The following DPYSL3 variants were observed in gnomAD, a reference collection of about 807,000 sequenced individuals.
DPYSL3 encodes dihydropyrimidinase like 3, also known as dihydropyrimidinase-related protein 3.
DPYSL3 carries 16 observed loss-of-function variants against 66.1 expected under a neutral mutation model. The observed-to-expected ratio is 0.24, with a 90% CI of 0.16 to 0.37. The LOEUF (loss-of-function observed/expected upper bound fraction) is 0.37. Ranked by LOEUF, DPYSL3 falls within the 10% of genes least tolerant of loss-of-function variation. The probability of loss-of-function intolerance (pLI) is 1.00; values close to 1 mark genes in which losing one functional copy is unlikely to be tolerated. For missense variants in DPYSL3, 738 were observed against 916.2 expected (o/e 0.81, Z 2.51); for synonymous variants, 338 against 345.1 (o/e 0.98, Z 0.23).
chr5:147,429,140 T>C (rs1025127896), intron 1 of DPYSL3, among the ~76,000 whole-genome samples: 5 of 152,146 alleles, frequency 3.3e-5, no homozygotes, highest in African/African-American at 1.2e-4. Flanking sequence ...TAAAGAATGA[T>C]GATACCACTA....
At chr5:147,451,806 A>G (rs11950421) in intron 1 of DPYSL3, among the ~76,000 whole-genome samples, 3,768 of 152,234 alleles carry the variant, frequency 0.025, 151 homozygotes, top group African/African-American at 0.081. Flanking sequence ...TTTTGTCCCA[A>G]TCAGCTTTTT....
chr5:147,492,947 C>G (rs1011555642), intron 1 of DPYSL3, among the ~76,000 whole-genome samples: 2 of 152,052 alleles, frequency 1.3e-5, no homozygotes, highest in Non-Finnish European at 1.5e-5. Flanking sequence ...CTACAAAAAA[C>G]CCACTTCAAG....
At chr5:147,496,528 A>G (rs1322058180) in intron 1 of DPYSL3, among the ~76,000 whole-genome samples, 1 of 152,060 alleles carries the variant, frequency 6.6e-6, no homozygotes, top group Non-Finnish European at 1.5e-5. Flanking sequence ...TCCAGAATCT[A>G]CAATGAACTC....
chr5:147,447,150 T>C lies in DPYSL3; in HGVS notation c.382-22187A>G, dbSNP rs187611376. 4.5e-4 allele frequency among the ~76,000 whole-genome samples: 68 copies of C among 152,354 alleles called. No individual in the cohort carries two copies. The Middle Eastern group carries it at 0.01, about 23-fold the overall frequency. On this transcript the variant is annotated intron_variant, in intron 1 of 13. Transcript: ENST00000343218. Reference sequence around the variant, plus strand: ...TAAATGAGATAATCCATGTAGCTTTTACTAAGACAGTTAACAATAATAGCT... The same window carrying C: ...TAAATGAGATAATCCATGTAGCTTTCACTAAGACAGTTAACAATAATAGCT...
In DPYSL3 at chr5:147,408,761, G is replaced by A. The variant is rs765028918; in HGVS notation, c.999C>T (p.Gly333=). 1.2e-6 allele frequency: 2 copies of A among 1,614,138 alleles called. No individual in the cohort carries two copies. The highest frequency in any genetic ancestry group is 1.7e-6 in the Non-Finnish European group (2 of 1,180,016). The change falls in exon 7 of 14, where the codon GGC becomes GGT. Residue 333 remains glycine, a synonymous_variant. Transcript: ENST00000343218. ...GCCTGCTCAGTACATGGCCTTCTGG[G>A]CCAGTTATCCCCATTTCCAACATGC... is the stretch of plus-strand genomic sequence containing the variant. ...QTRMLEMGIT[G]PEGHVLSRPE...
intron 1 of DPYSL3, among the ~76,000 whole-genome samples, chr5:147,436,029 T>C (rs1270155264): frequency 6.6e-6 from 1 of 152,160 alleles, no homozygotes; most frequent in Non-Finnish European, 1.5e-5. Flanking sequence ...TGCCCCACAA[T>C]GACCTAGTGA....
At chr5:147,402,029 T>C (rs1201682375) in intron 8 of DPYSL3, 1 of 234,084 alleles carries the variant, frequency 4.3e-6, no homozygotes, top group Non-Finnish European at 8.2e-6. Flanking sequence ...ACTAAAATGC[T>C]CCAGTTCTTG....
Position 147,412,686 on chromosome 5 carries a change from G to C in DPYSL3, c.885C>G (p.Leu295=), listed in dbSNP as rs1751879540. 1.2e-6 allele frequency: 2 copies of C among 1,610,122 alleles called. No homozygotes were observed. Among genetic ancestry groups the C allele is most frequent in the South Asian group, 2.2e-5 (2 of 90,128 alleles). The change falls in exon 6 of 14, where the codon CTC becomes CTG. Residue 295 remains leucine, a splice_region_variant and synonymous_variant. Transcript: ENST00000343218. ...CTCCCAGGCAGGTGAAGATCTCATAGAGCTGAAATAGAAATGAGTCTTTGT... is the reference window on the plus strand; with the variant it reads ...CTCCCAGGCAGGTGAAGATCTCATACAGCTGAAATAGAAATGAGTCTTTGT... ...KDLYQVSNTE[L]YEIFTCLGEL...
chr5:147,404,109 A>G lies in DPYSL3; in HGVS notation c.1153+1501T>C, dbSNP rs979829685. Among the ~76,000 whole-genome samples, 3 of 152,028 alleles carry G rather than the reference A, an allele frequency of 2.0e-5. No homozygotes were observed. In the East Asian group the frequency reaches 5.8e-4, roughly 29 times the overall value. ...GTGAGGGCACAAGGAGTTCCTACAC[A>G]CTTCTTCTTTTTCTTTTCTTTGCTT... On this transcript the variant is annotated intron_variant, in intron 8 of 13. Transcript: ENST00000343218.
chr5:147,391,218 T>C lies in DPYSL3; in HGVS notation c.*2817A>G, dbSNP rs541235882. 1 of 152,658 alleles carries C rather than the reference T, an allele frequency of 6.6e-6. No homozygotes were observed. The highest frequency in any genetic ancestry group is 2.1e-4 in the South Asian group (1 of 4,818). 9.5% of individuals were successfully genotyped at this position (152,658 alleles called of 1,614,324 possible). A position where few individuals can be genotyped will look rare whatever the true frequency, so the allele number is the denominator to read the frequency against. On this transcript the variant is annotated 3_prime_UTR_variant, in exon 14 of 14. Transcript: ENST00000343218. ...TCCAGGCTCAGGTGTCAGCCCTTTGTGGAAACATGACACTCTCAGTATAGA... is the reference window on the plus strand; with the variant it reads ...TCCAGGCTCAGGTGTCAGCCCTTTGCGGAAACATGACACTCTCAGTATAGA...
intron 1 of DPYSL3, among the ~76,000 whole-genome samples, chr5:147,434,568 CAT>C (rs1469558557): frequency 1.3e-5 from 2 of 152,148 alleles, no homozygotes; most frequent in African/African-American, 4.8e-5. Flanking sequence ...ATTCCTGAAA[CAT>C]ATGCTAGTGT....
intron 1 of DPYSL3, among the ~76,000 whole-genome samples, chr5:147,440,253 A>T: frequency 6.6e-6 from 1 of 152,238 alleles, no homozygotes; most frequent in Non-Finnish European, 1.5e-5. Flanking sequence ...CAGTGAGCCT[A>T]GATCACGCCA....
chr5:147,445,390 T>C (rs1752612615), intron 1 of DPYSL3, among the ~76,000 whole-genome samples: 1 of 152,238 alleles, frequency 6.6e-6, no homozygotes. Flanking sequence ...GAAGTTAATA[T>C]TCTAGAAAGA....
At chr5:147,407,655 G>A (rs1042088877) in intron 7 of DPYSL3, among the ~76,000 whole-genome samples, 1 of 152,154 alleles carries the variant, frequency 6.6e-6, no homozygotes, top group Non-Finnish European at 1.5e-5. Flanking sequence ...AGCGAGAACT[G>A]AGATAACGTA....
At chr5:147,473,572 T>C (rs1753113672) in intron 1 of DPYSL3, among the ~76,000 whole-genome samples, 1 of 152,176 alleles carries the variant, frequency 6.6e-6, no homozygotes, top group Non-Finnish European at 1.5e-5. Flanking sequence ...AATTTTCTTT[T>C]CTTCTTCTTA....
chr5:147,453,850 T>C, intron 1 of DPYSL3: 1 of 879,984 alleles, frequency 1.1e-6, no homozygotes, highest in Non-Finnish European at 1.5e-6. Flanking sequence ...GGGTTTTGTT[T>C]TTTTTTTTCT....
rs1391142497 is a variant in DPYSL3, at chr5:147,413,624, T to G, written c.854A>C (p.Lys285Thr). 2.5e-6 allele frequency: 4 copies of G among 1,613,306 alleles called. No homozygotes were observed. The highest frequency in any genetic ancestry group is 3.4e-6 in the Non-Finnish European group (4 of 1,179,514). The change falls in exon 5 of 14, where the codon AAG (lysine) becomes ACG (threonine). Residue 285 changes from lysine (K) to threonine (T), a missense_variant. Coordinates refer to ENST00000343218, the MANE Select transcript of DPYSL3 (RefSeq NM_001197294.2). Reference protein sequence around the residue: ...VNSFMVYMAYKDLYQVSNTEL... With the variant: ...VNSFMVYMAYTDLYQVSNTEL... ...TGTGTTAGATACTTGATACAAATCCTTATAAGCCATATAAACCATGAAGGA... is the reference window on the plus strand; with the variant it reads ...TGTGTTAGATACTTGATACAAATCCGTATAAGCCATATAAACCATGAAGGA...
At chr5:147,431,411 T>C (rs919192533) in intron 1 of DPYSL3, among the ~76,000 whole-genome samples, 12 of 152,102 alleles carry the variant, frequency 7.9e-5, no homozygotes, top group African/African-American at 2.4e-4. Context: ...TGGGTGGGCT[T>C]CAGTTACCTC....
chr5:147,400,862 C>G (rs1461770108), intron 9 of DPYSL3, 29 bp from the exon 10 acceptor site: 7 of 1,607,914 alleles, frequency 4.4e-6, no homozygotes, highest in South Asian at 1.1e-5. Flanking sequence ...TCCACATGAA[C>G]AGGGGAGATG....
Sources: gnomAD v4.1 joint callset for allele counts (sites outside exome capture counted in the v4.1 genomes callset) on GRCh38, gnomAD v4.1.1 for gene constraint, MANE v1.5 for transcripts, NCBI Gene and HGNC (gene_info 2026-07-23, HGNC 2026-07-21) for gene names.